CDH19: variants seen among roughly 807,000 people sequenced by gnomAD.
CDH19 encodes cadherin-19.
CDH19 carries 67 observed loss-of-function variants against 64.2 expected under a neutral mutation model. The observed-to-expected ratio is 1.04, with a 90% confidence interval of 0.86 to 1.28. The LOEUF is 1.28. CDH19 is among the 50% of genes most tolerant of loss of function. The probability of loss-of-function intolerance (pLI) is 0.00; values close to 1 mark genes in which losing one functional copy is unlikely to be tolerated. For synonymous variants in CDH19, 346 were observed against 319.3 expected (o/e 1.08, Z -0.89); for missense variants, 1,030 against 929.0 (o/e 1.11, Z -1.41).
chr18:66,575,885 C>T (rs1476787848), intron 1 of CDH19, among the ~76,000 whole-genome samples: 2 of 151,604 alleles, frequency 1.3e-5, no homozygotes, highest in Admixed American at 1.3e-4. Context: ...GTGGAGCATA[C>T]ATCATTTACA....
chr18:66,548,091 T>C (rs1420623021), intron 5 of CDH19, among the ~76,000 whole-genome samples: 2 of 146,920 alleles, frequency 1.4e-5, no homozygotes, highest in South Asian at 2.1e-4. Flanking sequence ...ATAAATATAT[T>C]ATATATTTGT....
intron 9 of CDH19, among the ~76,000 whole-genome samples, chr18:66,523,625 G>C (rs1986088249): frequency 6.6e-6 from 1 of 151,288 alleles, no homozygotes; most frequent in African/African-American, 2.4e-5. Flanking sequence ...GGTGGGGGGG[G>C]AGTGGGTCTC....
chr18:66,595,424 T>C (rs1276345806), intron 1 of CDH19, among the ~76,000 whole-genome samples: 1 of 136,210 alleles, frequency 7.3e-6, no homozygotes, highest in Non-Finnish European at 1.5e-5. Flanking sequence ...AAGATTAGTA[T>C]AGTACTAGAA....
intron 9 of CDH19, among the ~76,000 whole-genome samples, chr18:66,523,086 G>A (rs1986064065): frequency 6.6e-6 from 1 of 151,976 alleles, no homozygotes; most frequent in Admixed American, 6.6e-5. Context: ...GGAATTAATT[G>A]GACAGGTTTT....
At chr18:66,591,975 T>C (rs2144629332) in intron 1 of CDH19, among the ~76,000 whole-genome samples, 1 of 152,026 alleles carries the variant, frequency 6.6e-6, no homozygotes, top group South Asian at 2.1e-4. Context: ...CTGAAATTCT[T>C]ACTTTCTATT....
chr18:66,587,954 A>G (rs1302779124), intron 1 of CDH19, among the ~76,000 whole-genome samples: 3 of 152,202 alleles, frequency 2.0e-5, no homozygotes, highest in Non-Finnish European at 4.4e-5. Context: ...TCATTTCAAA[A>G]GAGAAGAAAG....
Position 66,533,233 on chromosome 18 carries a change from C to T in CDH19, c.1336+1753G>A, listed in dbSNP as rs147956261. ...TTTATTACACACACACACACACACA[C>T]ACACACATCCATGGCCTTTAAGAAA... On this transcript the variant is annotated intron_variant, in intron 8 of 11. Coordinates refer to ENST00000262150, the MANE Select transcript of CDH19 (RefSeq NM_021153.4). 5.1e-3 allele frequency among the ~76,000 whole-genome samples: 765 copies of T among 151,356 alleles called. 11 individuals are homozygous for T. Among genetic ancestry groups the T allele is most frequent in the African/African-American group, 0.018 (722 of 40,924 alleles).
chr18:66,539,531 T>C (rs1986806670), intron 7 of CDH19, among the ~76,000 whole-genome samples: 1 of 152,144 alleles, frequency 6.6e-6, no homozygotes, highest in South Asian at 2.1e-4. Flanking sequence ...TGAGATGTTA[T>C]ATGGCTTTTC....
At chr18:66,555,322 C>A (rs924950210) in intron 3 of CDH19, among the ~76,000 whole-genome samples, 1 of 151,604 alleles carries the variant, frequency 6.6e-6, no homozygotes, top group Non-Finnish European at 1.5e-5. Context: ...AATAGCAACA[C>A]GAATGACACA....
intron 1 of CDH19, among the ~76,000 whole-genome samples, chr18:66,594,998 A>C (rs965947411): frequency 2.9e-4 from 44 of 150,528 alleles, no homozygotes; most frequent in African/African-American, 1.0e-3. Context: ...TAAAACTTAA[A>C]GTATAATAAT....
chr18:66,525,922 A>G (rs1013870943), intron 9 of CDH19, among the ~76,000 whole-genome samples: 29 of 152,254 alleles, frequency 1.9e-4, no homozygotes, highest in African/African-American at 7.0e-4. Flanking sequence ...GGGAAATTGT[A>G]AAATAGGGCT....
intron 6 of CDH19, 91 bp from the exon 7 acceptor site, chr18:66,544,315 C>A: frequency 8.2e-7 from 1 of 1,220,260 alleles, no homozygotes; most frequent in South Asian, 1.6e-5. Context: ...AATTAAGTCT[C>A]AGTGGCCTTT....
rs1985014356 is a variant in CDH19, at chr18:66,503,039, G to T, written c.*1773C>A. 6.6e-6 allele frequency: 1 copy of T among 151,662 alleles called. No individual in the cohort carries two copies. Among genetic ancestry groups the T allele is most frequent in the South Asian group, 2.1e-4 (1 of 4,824 alleles). 9.4% of individuals were successfully genotyped at this position (151,662 alleles called of 1,614,324 possible). A position where few individuals can be genotyped will look rare whatever the true frequency, so the allele number is the denominator to read the frequency against. On this transcript the variant is annotated 3_prime_UTR_variant, in exon 12 of 12. Coordinates refer to ENST00000262150, the MANE Select transcript of CDH19 (RefSeq NM_021153.4). ...TATTTCAAAATTACTCAAATTATTT[G>T]ATTTAACATATATGGCCAGTTTGGT...
At chr18:66,558,690 A>G (rs931363266) in intron 3 of CDH19, among the ~76,000 whole-genome samples, 2 of 152,094 alleles carry the variant, frequency 1.3e-5, no homozygotes, top group African/African-American at 4.8e-5. Context: ...TTTATCGTCC[A>G]CATAAAATTG....
At chr18:66,583,906 A>C (rs940522933) in intron 1 of CDH19, among the ~76,000 whole-genome samples, 7 of 152,138 alleles carry the variant, frequency 4.6e-5, no homozygotes, top group Admixed American at 3.9e-4. Context: ...ACCCTGGAAG[A>C]CAATCTAGGC....
intron 5 of CDH19, among the ~76,000 whole-genome samples, chr18:66,547,519 G>T (rs1282987027): frequency 6.6e-6 from 1 of 151,986 alleles, no homozygotes; most frequent in Non-Finnish European, 1.5e-5. Context: ...TCAAACAGTG[G>T]TGTTTATATC....
intron 2 of CDH19, among the ~76,000 whole-genome samples, chr18:66,571,351 A>T (rs1988097022): frequency 6.6e-6 from 1 of 151,644 alleles, no homozygotes; most frequent in Admixed American, 6.6e-5. Context: ...ATTAGCGGTT[A>T]AACTTATTTC....
intron 1 of CDH19, among the ~76,000 whole-genome samples, chr18:66,587,005 C>T (rs1261160671): frequency 6.6e-6 from 1 of 152,024 alleles, no homozygotes; most frequent in East Asian, 1.9e-4. Context: ...ATCTTCTAAT[C>T]AGTGCTTAGA....
chr18:66,578,517 C>T (rs1240556306), intron 1 of CDH19, among the ~76,000 whole-genome samples: 1 of 151,882 alleles, frequency 6.6e-6, no homozygotes, highest in Admixed American at 6.6e-5. Flanking sequence ...CTCTCATACA[C>T]TGCTAGTGTG....
Sources: allele counts gnomAD v4.1 joint callset (sites outside exome capture counted in the v4.1 genomes callset), GRCh38; gene constraint gnomAD v4.1.1; transcripts MANE v1.5; gene names NCBI Gene and HGNC (gene_info 2026-07-23, HGNC 2026-07-21).